Variants in SGCZ observed in about 807,000 individuals in gnomAD.
The protein encoded by SGCZ is zeta-sarcoglycan.
A neutral mutation model predicts 41.3 loss-of-function variants in SGCZ; 40 were observed. The observed-to-expected ratio is 0.97, with a 90% confidence interval of 0.75 to 1.26. SGCZ has a LOEUF of 1.26. SGCZ is among the 50% of genes most tolerant of loss of function. The pLI is 0.00. For synonymous variants in SGCZ, 206 were observed against 137.5 expected (o/e 1.50, Z -3.49); for missense variants, 552 against 369.8 (o/e 1.49, Z -4.04).
intron 1 of SGCZ, among the ~76,000 whole-genome samples, chr8:14,769,655 G>C (rs1017839118): frequency 7.2e-5 from 11 of 151,982 alleles, no homozygotes; most frequent in African/African-American, 2.7e-4. Flanking sequence ...AGCTGGGCAT[G>C]GTGGCATGAG....
chr8:14,294,537 T>C (rs552591864), intron 3 of SGCZ, among the ~76,000 whole-genome samples: 6 of 152,100 alleles, frequency 3.9e-5, no homozygotes, highest in South Asian at 2.1e-4. Flanking sequence ...TCATGAACCA[T>C]AAAATTAAAT....
intron 4 of SGCZ, among the ~76,000 whole-genome samples, chr8:14,235,092 T>C (rs938539062): frequency 6.6e-6 from 1 of 152,196 alleles, no homozygotes; most frequent in Non-Finnish European, 1.5e-5. Flanking sequence ...TATAACAGCA[T>C]TCAAAATGTG....
intron 1 of SGCZ, among the ~76,000 whole-genome samples, chr8:14,728,518 A>C (rs904791191): frequency 1.3e-5 from 2 of 152,266 alleles, no homozygotes; most frequent in East Asian, 3.9e-4. Context: ...AAAATGAATT[A>C]TGAATAGTAA....
intron 1 of SGCZ, among the ~76,000 whole-genome samples, chr8:14,806,505 C>T (rs1287912717): frequency 2.6e-5 from 4 of 152,302 alleles, no homozygotes; most frequent in South Asian, 4.1e-4. Flanking sequence ...TTCCTCGACA[C>T]ATACACTTTC....
intron 1 of SGCZ, among the ~76,000 whole-genome samples, chr8:15,102,593 T>C (rs183648408): frequency 1.2e-3 from 185 of 152,308 alleles, no homozygotes; most frequent in African/African-American, 4.4e-3. Context: ...ATGATATTAA[T>C]ACTAGGAGAA....
intron 2 of SGCZ, among the ~76,000 whole-genome samples, chr8:14,366,631 A>G (rs1029284989): frequency 1.3e-5 from 2 of 152,092 alleles, no homozygotes; most frequent in African/African-American, 2.4e-5. Flanking sequence ...CAGCATTCAC[A>G]CAAACTCCAT....
intron 4 of SGCZ, among the ~76,000 whole-genome samples, chr8:14,185,560 C>T (rs1044085124): frequency 6.6e-6 from 1 of 152,138 alleles, no homozygotes; most frequent in African/African-American, 2.4e-5. Context: ...TCACTAGCAT[C>T]TGACTCATTC....
At chr8:14,741,370 G>C (rs1799193654) in intron 1 of SGCZ, among the ~76,000 whole-genome samples, 1 of 152,006 alleles carries the variant, frequency 6.6e-6, no homozygotes, top group African/African-American at 2.4e-5. Flanking sequence ...TCCTCACAAA[G>C]GAAGTATTTA....
chr8:15,141,755 A>C (rs557862698), intron 1 of SGCZ, among the ~76,000 whole-genome samples: 1 of 152,212 alleles, frequency 6.6e-6, no homozygotes, highest in East Asian at 1.9e-4. Context: ...TACAAAAATC[A>C]ACTCGGCGTG....
chr8:14,608,277 G>A (rs943818456), intron 1 of SGCZ, among the ~76,000 whole-genome samples: 1 of 151,118 alleles, frequency 6.6e-6, no homozygotes, highest in African/African-American at 2.4e-5. Context: ...TTTTGTAAGT[G>A]TGGTAAATAC....
intron 3 of SGCZ, among the ~76,000 whole-genome samples, chr8:14,248,000 G>A (rs922453765): frequency 1.3e-5 from 2 of 152,202 alleles, no homozygotes; most frequent in African/African-American, 4.8e-5. Context: ...AGGTAAAGCA[G>A]TAATTTTCCA....
intron 3 of SGCZ, among the ~76,000 whole-genome samples, chr8:14,304,212 G>T (rs891605015): frequency 6.6e-6 from 1 of 152,046 alleles, no homozygotes; most frequent in Non-Finnish European, 1.5e-5. Flanking sequence ...GGAGGCTGAG[G>T]CAGGAGGATC....
intron 1 of SGCZ, among the ~76,000 whole-genome samples, chr8:15,210,887 C>A (rs1902621): frequency 0.84 from 127,710 of 151,902 alleles, 54,073 homozygotes; most frequent in South Asian, 0.89. Flanking sequence ...TTTAGAACCC[C>A]ACATCCAGCA....
At chr8:14,325,743 C>CAT (rs1802076922) in intron 2 of SGCZ, among the ~76,000 whole-genome samples, 1 of 66,880 alleles carries the variant, frequency 1.5e-5, no homozygotes, top group African/African-American at 7.1e-5. Flanking sequence ...CACACACACA[C>CAT]ACACATATAT....
At chr8:14,687,209 T>C (rs1320454108) in intron 1 of SGCZ, among the ~76,000 whole-genome samples, 1 of 149,046 alleles carries the variant, frequency 6.7e-6, no homozygotes, top group African/African-American at 2.4e-5. Flanking sequence ...TTATTATTAT[T>C]ATACTTTAAG....
intron 1 of SGCZ, among the ~76,000 whole-genome samples, chr8:15,138,794 A>G (rs184405244): frequency 6.6e-6 from 1 of 152,338 alleles, no homozygotes; most frequent in Non-Finnish European, 1.5e-5. Flanking sequence ...GAAGATAGTA[A>G]TATAGACAGC....
At chr8:14,970,277 T>C (rs557813541) in intron 1 of SGCZ, among the ~76,000 whole-genome samples, 75 of 152,248 alleles carry the variant, frequency 4.9e-4, no homozygotes, top group African/African-American at 1.7e-3. Context: ...TTACATATAA[T>C]TTGCAAATAT....
chr8:14,956,012 C>T (rs1800780285), intron 1 of SGCZ, among the ~76,000 whole-genome samples: 1 of 144,682 alleles, frequency 6.9e-6, no homozygotes, highest in Non-Finnish European at 1.5e-5. Context: ...ATTTTTAGTG[C>T]TTAATGTAGG....
intron 2 of SGCZ, among the ~76,000 whole-genome samples, chr8:14,511,834 G>T (rs905493326): frequency 1.3e-5 from 2 of 152,048 alleles, no homozygotes; most frequent in African/African-American, 4.8e-5. Context: ...TAGGCTTGTT[G>T]TTTTTAACTC....
Sources: allele counts gnomAD v4.1 joint callset (sites outside exome capture counted in the v4.1 genomes callset), GRCh38; gene constraint gnomAD v4.1.1; transcripts MANE v1.5; gene names NCBI Gene and HGNC (gene_info 2026-07-23, HGNC 2026-07-21).